Variants in NXPH1 observed in about 807,000 individuals in gnomAD.
The protein encoded by NXPH1 is neurexophilin-1.
NXPH1 carries 5 observed loss-of-function variants against 23.7 expected under a neutral mutation model. The ratio of observed to expected loss-of-function variants is 0.21; its 90% CI spans 0.11 to 0.44. The LOEUF (loss-of-function observed/expected upper bound fraction) is 0.44. Among genes scored for constraint, NXPH1 ranks in the 20% least tolerant of loss-of-function variants. NXPH1 has a pLI of 0.99. For missense variants in NXPH1, 324 were observed against 321.6 expected (o/e 1.01, Z -0.06); for synonymous variants, 144 against 122.2 (o/e 1.18, Z -1.18).
In NXPH1 at chr7:8,479,563, G is replaced by A. The variant is rs543298234; in HGVS notation, c.54+43796G>A. On this transcript the variant is annotated intron_variant, in intron 2 of 2. Transcript: ENST00000405863. ...AGGCTTAGGAAAAGTGAGCAACTTA[G>A]TGCAAAAAGCACTCCTAGCATCCAG... Among the ~76,000 whole-genome samples, 22 of 152,230 alleles carry A rather than the reference G, an allele frequency of 1.4e-4. No individual in the cohort carries two copies. The South Asian group carries it at 4.3e-3, about 30-fold the overall frequency.
intron 2 of NXPH1, among the ~76,000 whole-genome samples, chr7:8,696,531 G>T (rs1037785738): frequency 5.9e-5 from 9 of 152,254 alleles, no homozygotes; most frequent in African/African-American, 1.7e-4. Flanking sequence ...TCTCTCTGGG[G>T]ATATAACTTT....
At chr7:8,693,911 A>C (rs768850031) in intron 2 of NXPH1, among the ~76,000 whole-genome samples, 6 of 152,206 alleles carry the variant, frequency 3.9e-5, no homozygotes, top group Non-Finnish European at 7.3e-5. Flanking sequence ...TTGGACAACA[A>C]ATTATGTCAT....
At chr7:8,580,623 T>C (rs1033908964) in intron 2 of NXPH1, among the ~76,000 whole-genome samples, 3 of 152,134 alleles carry the variant, frequency 2.0e-5, no homozygotes, top group African/African-American at 7.2e-5. Context: ...TGACTGGCAG[T>C]GATCCAGAAA....
chr7:8,492,138 A>G (rs921889631), intron 2 of NXPH1, among the ~76,000 whole-genome samples: 1 of 152,164 alleles, frequency 6.6e-6, no homozygotes, highest in Admixed American at 6.6e-5. Flanking sequence ...ATAATGACCA[A>G]TCTTTTGAAC....
intron 2 of NXPH1, among the ~76,000 whole-genome samples, chr7:8,617,368 A>G (rs1045351369): frequency 6.6e-6 from 1 of 152,142 alleles, no homozygotes; most frequent in African/African-American, 2.4e-5. Flanking sequence ...TGTTTGTTGC[A>G]TCACTGTTTA....
At chr7:8,656,896 T>G (rs560320020) in intron 2 of NXPH1, among the ~76,000 whole-genome samples, 1 of 152,348 alleles carries the variant, frequency 6.6e-6, no homozygotes, top group African/African-American at 2.4e-5. Context: ...TTACTCACTT[T>G]CTCATGAAGG....
intron 2 of NXPH1, among the ~76,000 whole-genome samples, chr7:8,578,848 A>G (rs1219717473): frequency 2.0e-5 from 3 of 152,202 alleles, no homozygotes; most frequent in Non-Finnish European, 4.4e-5. Context: ...GAGCCTTACA[A>G]GATTGCAGGA....
intron 2 of NXPH1, among the ~76,000 whole-genome samples, chr7:8,558,187 A>C (rs1418950631): frequency 6.6e-6 from 1 of 151,632 alleles, no homozygotes; most frequent in Non-Finnish European, 1.5e-5. Flanking sequence ...TTTATTATCT[A>C]TCAGCTTTCA....
At chr7:8,491,227 T>A (rs1355155851) in intron 2 of NXPH1, among the ~76,000 whole-genome samples, 5 of 152,022 alleles carry the variant, frequency 3.3e-5, no homozygotes, top group Non-Finnish European at 5.9e-5. Flanking sequence ...CAGCCAGGCA[T>A]AATTTATCCC....
intron 2 of NXPH1, among the ~76,000 whole-genome samples, chr7:8,680,829 T>A (rs12702764): frequency 0.41 from 61,733 of 152,086 alleles, 12,912 homozygotes; most frequent in East Asian, 0.59. Flanking sequence ...TTATATGCAA[T>A]AAAGTGCTAA....
chr7:8,618,835 T>C (rs978254343), intron 2 of NXPH1, among the ~76,000 whole-genome samples: 4 of 152,188 alleles, frequency 2.6e-5, no homozygotes, highest in Non-Finnish European at 2.9e-5. Context: ...TTTGAATGTA[T>C]GCTAAACACA....
intron 2 of NXPH1, among the ~76,000 whole-genome samples, chr7:8,736,950 C>T (rs1780268080): frequency 6.7e-6 from 1 of 149,570 alleles, no homozygotes; most frequent in African/African-American, 2.6e-5. Flanking sequence ...GATTGCAACC[C>T]CTACCTTTTT....
chr7:8,687,609 C>G (rs904961163), intron 2 of NXPH1, among the ~76,000 whole-genome samples: 2 of 152,120 alleles, frequency 1.3e-5, no homozygotes, highest in Non-Finnish European at 2.9e-5. Flanking sequence ...TAAATACTGC[C>G]TTTGCACATA....
chr7:8,693,286 T>C (rs1029887511), intron 2 of NXPH1, among the ~76,000 whole-genome samples: 1 of 152,222 alleles, frequency 6.6e-6, no homozygotes, highest in Non-Finnish European at 1.5e-5. Flanking sequence ...TGAGTTTGAA[T>C]CCACATTCCA....
At chr7:8,720,301 C>T (rs947857487) in intron 2 of NXPH1, among the ~76,000 whole-genome samples, 6 of 152,114 alleles carry the variant, frequency 3.9e-5, no homozygotes, top group Admixed American at 1.3e-4. Flanking sequence ...GATAAGAATT[C>T]GAATGCTGTT....
intron 2 of NXPH1, among the ~76,000 whole-genome samples, chr7:8,567,316 A>C (rs542956817): frequency 2.0e-5 from 3 of 151,930 alleles, no homozygotes; most frequent in South Asian, 2.1e-4. Flanking sequence ...CCTTTGGTTC[A>C]TGTTTGCGCC....
In NXPH1 at chr7:8,463,588, T is replaced by G. The variant is rs116897037; in HGVS notation, c.54+27821T>G. Among the ~76,000 whole-genome samples, 291 of 152,314 alleles carry G rather than the reference T, an allele frequency of 1.9e-3. 7 individuals carry two copies. The East Asian group carries it at 0.052, about 27-fold the overall frequency. On this transcript the variant is annotated intron_variant, in intron 2 of 2. Transcript: ENST00000405863. ...CCAAGAATGTATATGAGAGCTGTTT[T>G]TCATATCCTTTCCAACTTTTTGATT...
chr7:8,628,916 A>G (rs1562434753), intron 2 of NXPH1, among the ~76,000 whole-genome samples: 3 of 151,308 alleles, frequency 2.0e-5, no homozygotes, highest in Non-Finnish European at 2.9e-5. Context: ...CGAAAGCCTC[A>G]TGTATCTCAC....
At chr7:8,708,335 T>C (rs1258469923) in intron 2 of NXPH1, among the ~76,000 whole-genome samples, 1 of 152,114 alleles carries the variant, frequency 6.6e-6, no homozygotes, top group East Asian at 1.9e-4. Context: ...CTAGAATGCA[T>C]GTTTTTCTTT....
Sources: gnomAD v4.1 joint callset for allele counts (sites outside exome capture counted in the v4.1 genomes callset) on GRCh38, gnomAD v4.1.1 for gene constraint, MANE v1.5 for transcripts, NCBI Gene and HGNC (gene_info 2026-07-23, HGNC 2026-07-21) for gene names.